The following UNC13C variants were observed in gnomAD, a reference collection of about 807,000 sequenced individuals.
UNC13C encodes unc-13 homolog C.
In UNC13C, 174 loss-of-function variants were observed where a neutral mutation model predicts 245.4. The observed-to-expected ratio is 0.71, with a 90% CI of 0.63 to 0.80. The LOEUF (loss-of-function observed/expected upper bound fraction) is 0.80. Among genes scored for constraint, UNC13C ranks in the 30% least tolerant of loss-of-function variants. The probability of loss-of-function intolerance (pLI) is 0.00; values close to 1 mark genes in which losing one functional copy is unlikely to be tolerated. For synonymous variants in UNC13C, 992 were observed against 895.1 expected (o/e 1.11, Z -1.93); for missense variants, 2,829 against 2,602.9 (o/e 1.09, Z -1.89).
intron 19 of UNC13C, among the ~76,000 whole-genome samples, chr15:54,447,119 C>G (rs1277812431): frequency 2.0e-5 from 3 of 152,118 alleles, no homozygotes; most frequent in South Asian, 2.1e-4. Flanking sequence ...GTTGAACCAG[C>G]CTTGCATCCC....
intron 2 of UNC13C, among the ~76,000 whole-genome samples, chr15:54,079,111 A>G (rs1391005530): frequency 3.3e-5 from 5 of 152,016 alleles, no homozygotes; most frequent in African/African-American, 1.2e-4. Context: ...GTAGAAGATC[A>G]GTTGGTTATA....
At chr15:54,528,775 A>G (rs903130220) in intron 25 of UNC13C, among the ~76,000 whole-genome samples, 2 of 152,218 alleles carry the variant, frequency 1.3e-5, no homozygotes, top group Non-Finnish European at 2.9e-5. Context: ...TACAGCCAGC[A>G]GGATCATGGA....
intron 18 of UNC13C, among the ~76,000 whole-genome samples, chr15:54,407,365 G>A (rs950779318): frequency 5.9e-5 from 9 of 152,144 alleles, no homozygotes; most frequent in Admixed American, 1.3e-4. Flanking sequence ...ACTGTGGATC[G>A]TGGCAGAGGT....
At chr15:54,350,556 G>A (rs1199352938) in intron 17 of UNC13C, among the ~76,000 whole-genome samples, 1 of 152,256 alleles carries the variant, frequency 6.6e-6, no homozygotes, top group East Asian at 1.9e-4. Context: ...AAGTCTAAAG[G>A]TCTGCAGTAA....
chr15:54,210,567 C>G (rs918091698), intron 4 of UNC13C, among the ~76,000 whole-genome samples: 1 of 152,066 alleles, frequency 6.6e-6, no homozygotes, highest in Non-Finnish European at 1.5e-5. Context: ...TGCATTTATG[C>G]GTCATCACAT....
At chr15:53,885,492 A>G in the UNC13C span, among the ~76,000 whole-genome samples, 53,282 of 152,028 alleles carry the variant, frequency 0.35, 10,167 homozygotes, top group Non-Finnish European at 0.43. Flanking sequence ...GTGTCAGTCT[A>G]TTGTCATTGG....
Position 54,581,762 on chromosome 15 carries a change from C to T in UNC13C, c.6106+13815C>T, listed in dbSNP as rs552768789. Among the ~76,000 whole-genome samples the T allele has an allele frequency of 3.9e-5, 6 of 152,328 alleles. No homozygotes were observed. The East Asian group carries it at 1.2e-3, about 29-fold the overall frequency. On this transcript the variant is annotated intron_variant, in intron 30 of 32. Coordinates refer to ENST00000260323, the MANE Select transcript of UNC13C (RefSeq NM_001080534.3). ...AATTTTGGGCTTTACCCTGAAACTA[C>T]TGAGTCAGAAACTCTAGGAGTCGGG...
intron 29 of UNC13C, among the ~76,000 whole-genome samples, chr15:54,562,986 T>C (rs1424231070): frequency 6.6e-6 from 1 of 152,058 alleles, no homozygotes; most frequent in Non-Finnish European, 1.5e-5. Context: ...CCTTCTCACT[T>C]ATGAAATCAT....
Position 54,287,961 on chromosome 15 carries a change from G to T in UNC13C, c.3819-5934G>T, listed in dbSNP as rs141378073. 3.6e-3 allele frequency among the ~76,000 whole-genome samples: 549 copies of T among 152,188 alleles called. 3 individuals carry two copies. Among genetic ancestry groups the T allele is most frequent in the African/African-American group, 0.013 (524 of 41,522 alleles). The stretch of plus-strand genomic sequence containing the variant: ...TTACTGCATTTAGCTTGAAGTCCAG[G>T]ATCTTTCTGTAGTCTCTTCACAAGC... On this transcript the variant is annotated intron_variant, in intron 10 of 32. Transcript: ENST00000260323.
chr15:54,156,231 G>T (rs2032739918), intron 4 of UNC13C, among the ~76,000 whole-genome samples: 1 of 152,078 alleles, frequency 6.6e-6, no homozygotes, highest in South Asian at 2.1e-4. Flanking sequence ...GTGCACTCAG[G>T]CATAGCAGGC....
chr15:54,229,637 C>G (rs2035493238), intron 4 of UNC13C, among the ~76,000 whole-genome samples: 1 of 152,120 alleles, frequency 6.6e-6, no homozygotes, highest in African/African-American at 2.4e-5. Flanking sequence ...GGTGAGTACA[C>G]TTAACATCCA....
At chr15:53,845,157 C>G in the UNC13C span, among the ~76,000 whole-genome samples, 2 of 151,872 alleles carry the variant, frequency 1.3e-5, no homozygotes, top group Non-Finnish European at 2.9e-5. Flanking sequence ...AACCTCGTCT[C>G]TACTAAAAAT....
chr15:54,098,609 C>G (rs1353019277), intron 2 of UNC13C, among the ~76,000 whole-genome samples: 1 of 150,996 alleles, frequency 6.6e-6, no homozygotes, highest in Admixed American at 6.6e-5. Context: ...GTTTTTTTTT[C>G]TTAGTAGATT....
At chr15:54,383,078 C>T (rs190432704) in intron 17 of UNC13C, among the ~76,000 whole-genome samples, 11 of 152,168 alleles carry the variant, frequency 7.2e-5, no homozygotes, top group African/African-American at 9.6e-5. Context: ...AATAAAAGCT[C>T]AGGACAGGAT....
intron 4 of UNC13C, among the ~76,000 whole-genome samples, chr15:54,168,041 T>A (rs976316924): frequency 1.3e-5 from 2 of 152,202 alleles, no homozygotes; most frequent in African/African-American, 2.4e-5. Context: ...GAAAGTGGGA[T>A]GGTTATACGA....
intron 25 of UNC13C, among the ~76,000 whole-genome samples, chr15:54,531,240 T>G (rs1895723074): frequency 6.6e-6 from 1 of 152,146 alleles, no homozygotes; most frequent in Non-Finnish European, 1.5e-5. Flanking sequence ...ATATAGATGC[T>G]ATGGAAGCCA....
At chr15:54,616,827 A>T (rs1900468792) in intron 30 of UNC13C, among the ~76,000 whole-genome samples, 1 of 152,040 alleles carries the variant, frequency 6.6e-6, no homozygotes, top group Non-Finnish European at 1.5e-5. Flanking sequence ...CTCATCACTC[A>T]CGCATTGACT....
chr15:54,355,677 C>T (rs1230399600), intron 17 of UNC13C, among the ~76,000 whole-genome samples: 2 of 151,958 alleles, frequency 1.3e-5, no homozygotes, highest in Non-Finnish European at 2.9e-5. Context: ...CTTTTAATTC[C>T]AGTTTTATTT....
Position 54,333,847 on chromosome 15 carries a change from T to A in UNC13C, c.4575T>A (p.Phe1525Leu). 4 of 1,599,394 alleles carry A rather than the reference T, an allele frequency of 2.5e-6. No individual in the cohort carries two copies. The highest frequency in any genetic ancestry group is 3.4e-6 in the Non-Finnish European group (4 of 1,171,448). ...TVDLLTSITF[F>L]RMKVLELQSP... is the part of the protein sequence containing the mutation. ...ACCTGTTAACAAGTATCACCTTTTTTAGGATGAAGGTATCTCATTTTATTT... is the reference window on the plus strand; with the variant it reads ...ACCTGTTAACAAGTATCACCTTTTTAAGGATGAAGGTATCTCATTTTATTT... Residue 1525 changes from phenylalanine to leucine, a missense_variant, in exon 16 of 33, where the codon TTT becomes TTA. Transcript: ENST00000260323.
Sources: gnomAD v4.1 joint callset for allele counts (sites outside exome capture counted in the v4.1 genomes callset) on GRCh38, gnomAD v4.1.1 for gene constraint, MANE v1.5 for transcripts, NCBI Gene and HGNC (gene_info 2026-07-23, HGNC 2026-07-21) for gene names.